The following HDAC3 variants were observed in gnomAD, a reference collection of about 807,000 sequenced individuals.
HDAC3 encodes histone deacetylase 3, also known as SMAP45.
HDAC3 carries 21 observed loss-of-function variants against 62.3 expected under a neutral mutation model. The ratio of observed to expected loss-of-function variants is 0.34; its 90% confidence interval spans 0.24 to 0.49. The LOEUF is 0.49. Among genes scored for constraint, HDAC3 ranks in the 20% least tolerant of loss-of-function variants. The probability of loss-of-function intolerance (pLI) is 0.99; values close to 1 mark genes in which losing one functional copy is unlikely to be tolerated. For missense variants in HDAC3, 270 were observed against 556.9 expected (o/e 0.48, Z 5.19); for synonymous variants, 198 against 206.5 (o/e 0.96, Z 0.35).
At position 141,625,607 on chromosome 5, in the gene HDAC3, C is replaced by A; in HGVS notation, c.1059+78G>T. The A allele has an allele frequency of 7.0e-7, 1 of 1,431,332 alleles. No homozygotes were observed. The highest frequency in any genetic ancestry group is 9.8e-7 in the Non-Finnish European group (1 of 1,015,298). The allele number at this position is 1,431,332 out of a possible 1,614,324, so 88.7% of individuals were successfully genotyped here. A position where few individuals can be genotyped will look rare whatever the true frequency, so the allele number is the denominator to read the frequency against. Reference sequence around the variant, plus strand: ...AGAACTTCCTTCTCTTTGGTTTTTCCTACTTCCCACATCTTTGACCTCTCC... The same window carrying A: ...AGAACTTCCTTCTCTTTGGTTTTTCATACTTCCCACATCTTTGACCTCTCC... On this transcript the variant is annotated intron_variant, in intron 13 of 14. Coordinates refer to ENST00000305264, the MANE Select transcript of HDAC3 (RefSeq NM_003883.4). This position sits in a 1 kb window ranked among gnomAD's most constrained non-coding sequence, Gnocchi z 4.0.
chr5:141,623,074 G>A (rs2099903932), intron 14 of HDAC3, among the ~76,000 whole-genome samples: 1 of 152,046 alleles, frequency 6.6e-6, no homozygotes, highest in Admixed American at 6.5e-5. Context: ...GGTGAGCTGA[G>A]ATCATGCCAT....
In HDAC3 at chr5:141,627,953, C is replaced by A; in HGVS notation, c.770G>T (p.Gly257Val). 6.2e-7 allele frequency: 1 copy of A among 1,614,116 alleles called. No homozygotes were observed. Among genetic ancestry groups the A allele is most frequent in the South Asian group, 1.1e-5 (1 of 91,086 alleles). The part of the protein sequence containing the change: ...YQPTCIVLQC[G>V]ADSLGCDRLG... The stretch of plus-strand genomic sequence containing the variant: ...TCGATCACAGCCCAGAGAGTCAGCT[C>A]CACACTGCAAAAAGCAAAACCCCAG... Residue 257 changes from glycine to valine, a missense_variant, in exon 10 of 15, where the codon GGA becomes GTA. Gly to Val is a moderately radical substitution (Grantham distance 109). Coordinates refer to ENST00000305264, the MANE Select transcript of HDAC3 (RefSeq NM_003883.4).
At position 141,629,153 on chromosome 5, in the gene HDAC3, A is replaced by T; in HGVS notation, c.610+20T>A. On this transcript the variant is annotated intron_variant, in intron 7 of 14. Transcript: ENST00000305264. This position sits in a 1 kb window ranked among gnomAD's most constrained non-coding sequence, Gnocchi z 5.3. ...AAGAGCTGAAGGGTGCAAAGGGGAA[A>T]GTAATCCCTATTCCCATACCTGTGC... 1 of 1,613,732 alleles carries T rather than the reference A, an allele frequency of 6.2e-7. No homozygotes were observed. Among genetic ancestry groups the T allele is most frequent in the African/African-American group, 1.3e-5 (1 of 75,038 alleles).
Position 141,626,435 on chromosome 5 carries a change from T to C in HDAC3, c.831-152A>G. The C allele has an allele frequency of 1.5e-6, 1 of 654,680 alleles. No individual in the cohort carries two copies. Among genetic ancestry groups the C allele is most frequent in the Non-Finnish European group, 2.7e-6 (1 of 371,452 alleles). 40.6% of individuals were successfully genotyped at this position (654,680 alleles called of 1,614,324 possible). On this transcript the variant is annotated intron_variant, in intron 10 of 14. Transcript: ENST00000305264. The surrounding 1 kb of genome is among the most constrained non-coding windows in gnomAD (Gnocchi z 4.6). The stretch of plus-strand genomic sequence containing the variant: ...ATTCATTATGTTATACCCTTAAGAT[T>C]TGGGTATACTTTATATGCTGTGTCT...
intron 14 of HDAC3, among the ~76,000 whole-genome samples, chr5:141,623,773 G>A (rs1269800942): frequency 1.3e-5 from 2 of 152,062 alleles, no homozygotes; most frequent in African/African-American, 4.8e-5. Flanking sequence ...AGCCCATCAG[G>A]CTCTGCAGCA....
chr5:141,635,043 A>G (rs1236057439), intron 2 of HDAC3, 90 bp from the exon 3 acceptor site: 26 of 1,320,068 alleles, frequency 2.0e-5, no homozygotes, highest in Non-Finnish European at 2.6e-5. Context: ...CCTGGAGACT[A>G]TATGAAGCCA....
intron 2 of HDAC3, 94 bp downstream of exon 2, chr5:141,636,454 C>T: frequency 9.4e-7 from 1 of 1,064,656 alleles, no homozygotes. Context: ...ACTCTAGGGG[C>T]GGGTCGCACT....
At chr5:141,635,161 C>T (rs2099905772) in intron 2 of HDAC3, 1 of 507,694 alleles carries the variant, frequency 2.0e-6, no homozygotes, top group Non-Finnish European at 3.5e-6. Context: ...TTTTCCTTTC[C>T]ACCTCCAGCT....
intron 14 of HDAC3, among the ~76,000 whole-genome samples, chr5:141,623,265 G>A (rs1431791061): frequency 6.6e-6 from 1 of 152,152 alleles, no homozygotes; most frequent in Non-Finnish European, 1.5e-5. Flanking sequence ...ACTTAGTAGT[G>A]TCTGGTGCTT....
At position 141,621,263 on chromosome 5, in the gene HDAC3, C is replaced by CCCTAATGGTA. The variant is rs906384364; in HGVS notation, c.*204_*205insTACCATTAGG. 1 of 581,802 alleles carries CCCTAATGGTA rather than the reference C, an allele frequency of 1.7e-6. No individual in the cohort carries two copies. The highest frequency in any genetic ancestry group is 3.1e-6 in the Non-Finnish European group (1 of 326,674). 36.0% of individuals were successfully genotyped at this position (581,802 alleles called of 1,614,324 possible). On this transcript the variant is annotated 3_prime_UTR_variant, in exon 15 of 15. Transcript: ENST00000305264. Reference sequence around the variant, plus strand: ...ATAGCTATCCTTGTCTGTATCTCATCCCTAATAGGTACCATTGTCAGGCCT... The same window carrying CCCTAATGGTA: ...ATAGCTATCCTTGTCTGTATCTCATCCCTAATGGTACCTAATAGGTACCATTGTCAGGCCT...
Position 141,628,624 on chromosome 5 carries a change from A to G in HDAC3, c.626T>C (p.Val209Ala), listed in dbSNP as rs1209989896. ...FFPGTGDMYEVGAESGRYYCL... is the reference protein window; with the variant it reads ...FFPGTGDMYEAGAESGRYYCL... ...GTAGTAGCGGCCACTCTCTGCCCCG[A>G]CTTCATACATGTCACCTGTAGGGAA... Residue 209 changes from valine (V) to alanine (A), a missense_variant, in exon 8 of 15, where the codon GTC (valine) becomes GCC (alanine). Physicochemically the swap from Val to Ala is moderately conservative, Grantham distance 64. Around this residue, in one of 5 missense-constraint regions of HDAC3, gnomAD observed 156 missense variants for 383.9 expected, o/e 0.41. Coordinates refer to ENST00000305264, the MANE Select transcript of HDAC3 (RefSeq NM_003883.4). The surrounding 1 kb of genome is among the most constrained non-coding windows in gnomAD (Gnocchi z 4.7). 5.0e-6 allele frequency: 8 copies of G among 1,614,032 alleles called. No individual in the cohort carries two copies. Among genetic ancestry groups the G allele is most frequent in the Non-Finnish European group, 6.8e-6 (8 of 1,179,994 alleles).
At chr5:141,623,485 T>C (rs1472104713) in intron 14 of HDAC3, among the ~76,000 whole-genome samples, 1 of 152,186 alleles carries the variant, frequency 6.6e-6, no homozygotes, top group Non-Finnish European at 1.5e-5. Context: ...GATGCCAGCC[T>C]GGAGCTATTG....
chr5:141,621,201 G>A lies in HDAC3; in HGVS notation c.*267C>T. ...GAAATAAGGGGCAAGGGGGGCTAGG[G>A]ACTGGCCTCCAGGGCCCACTGCCAA... On this transcript the variant is annotated 3_prime_UTR_variant, in exon 15 of 15. Transcript: ENST00000305264. 1 of 426,840 alleles carries A rather than the reference G, an allele frequency of 2.3e-6. No homozygotes were observed. The highest frequency in any genetic ancestry group is 4.2e-6 in the Non-Finnish European group (1 of 236,738). 26.4% of individuals were successfully genotyped at this position (426,840 alleles called of 1,614,324 possible).
rs1042074676 is a variant in HDAC3, at chr5:141,625,444, C to T, written c.1060-79G>A. On this transcript the variant is annotated intron_variant, in intron 13 of 14. Coordinates refer to ENST00000305264, the MANE Select transcript of HDAC3 (RefSeq NM_003883.4). The surrounding 1 kb of genome is among the most constrained non-coding windows in gnomAD (Gnocchi z 4.0). ...TGGAATCTCCTAGCTGCCTTTTACC[C>T]CTACCATACTGGTTTTCATCTCAGT... 61 of 1,505,974 alleles carry T rather than the reference C, an allele frequency of 4.1e-5. 1 individual carries two copies. The Middle Eastern group carries it at 7.6e-4, about 19-fold the overall frequency. 93.3% of individuals were successfully genotyped at this position (1,505,974 alleles called of 1,614,324 possible). A position where few individuals can be genotyped will look rare whatever the true frequency, so the allele number is the denominator to read the frequency against.
chr5:141,630,977 G>A lies in HDAC3; in HGVS notation c.282-852C>T, dbSNP rs1185689379. 2.0e-5 allele frequency among the ~76,000 whole-genome samples: 3 copies of A among 151,686 alleles called. No individual in the cohort carries two copies. The South Asian group carries it at 6.2e-4, about 32-fold the overall frequency. The stretch of plus-strand genomic sequence containing the variant: ...GTTGGGACTACAGGTGTGAGCCATC[G>A]GCGCTGGCCCTATACCTTGATATAT... On this transcript the variant is annotated intron_variant, in intron 3 of 14. Coordinates refer to ENST00000305264, the MANE Select transcript of HDAC3 (RefSeq NM_003883.4).
At chr5:141,634,745 C>T in intron 3 of HDAC3, 66 bp downstream of exon 3, 1 of 1,533,640 alleles carries the variant, frequency 6.5e-7, no homozygotes, top group Non-Finnish European at 8.9e-7. Context: ...CCACTGCTGC[C>T]AAAAGACCTC....
chr5:141,629,371 A>T lies in HDAC3; in HGVS notation c.477-65T>A. 2 of 1,603,916 alleles carry T rather than the reference A, an allele frequency of 1.2e-6. No individual in the cohort carries two copies. The highest frequency in any genetic ancestry group is 1.7e-6 in the Non-Finnish European group (2 of 1,172,994). On this transcript the variant is annotated intron_variant, in intron 6 of 14. Transcript: ENST00000305264. This position sits in a 1 kb window ranked among gnomAD's most constrained non-coding sequence, Gnocchi z 5.3. ...ACCCCCCAACCCACTCCTCTCAAAC[A>T]CCGGGTCTCGAATTGTGAAGAGTCT...
Position 141,630,143 on chromosome 5 carries a change from A to G in HDAC3, c.282-18T>C, listed in dbSNP as rs2099904981. 6.2e-7 allele frequency: 1 copy of G among 1,612,128 alleles called. No individual in the cohort carries two copies. Among genetic ancestry groups the G allele is most frequent in the Admixed American group, 1.7e-5 (1 of 59,994 alleles). ...ACACTGGGCTGCAGGGAAGAGGAAC[A>G]AGTTGGAACCCTCCTGCCTCTGTCT... is the stretch of plus-strand genomic sequence containing the variant. On this transcript the variant is annotated intron_variant, in intron 3 of 14. Transcript: ENST00000305264.
Position 141,626,349 on chromosome 5 carries a change from T to C in HDAC3, c.831-66A>G. On this transcript the variant is annotated intron_variant, in intron 10 of 14. Coordinates refer to ENST00000305264, the MANE Select transcript of HDAC3 (RefSeq NM_003883.4). This position sits in a 1 kb window ranked among gnomAD's most constrained non-coding sequence, Gnocchi z 4.6. ...AAAAGACAAGGTAAATACCTTTAGG[T>C]ATTGCCTGAAAGGAGCACAAGAAAA... is the stretch of plus-strand genomic sequence containing the variant. 8.3e-7 allele frequency: 1 copy of C among 1,211,454 alleles called. No homozygotes were observed. The allele number at this position is 1,211,454 out of a possible 1,614,324, so 75.0% of individuals were successfully genotyped here. A position where few individuals can be genotyped will look rare whatever the true frequency, so the allele number is the denominator to read the frequency against.
Sources: allele counts gnomAD v4.1 joint callset (sites outside exome capture counted in the v4.1 genomes callset), GRCh38; gene constraint gnomAD v4.1.1; regional missense constraint gnomAD v4.1.1; non-coding constraint Gnocchi (gnomAD v3.1); transcripts MANE v1.5; gene names NCBI Gene and HGNC (gene_info 2026-07-23, HGNC 2026-07-21).